The following MAD1L1 variants were observed in gnomAD, a reference collection of about 807,000 sequenced individuals.
MAD1L1 encodes the protein mitotic spindle assembly checkpoint protein MAD1.
MAD1L1 carries 95 observed loss-of-function variants against 96.9 expected under a neutral mutation model. The observed-to-expected ratio is 0.98, with a 90% CI of 0.83 to 1.16. MAD1L1 has a LOEUF of 1.16. Ranked by LOEUF, MAD1L1 falls within the 50% of genes most tolerant of loss-of-function variation. The pLI, the probability that MAD1L1 is intolerant of heterozygous loss-of-function variation, is 0.00. For missense variants in MAD1L1, 1,007 were observed against 954.4 expected (o/e 1.06, Z -0.73); for synonymous variants, 473 against 396.6 (o/e 1.19, Z -2.29).
chr7:1,916,485 C>T (rs986865479), intron 17 of MAD1L1, among the ~76,000 whole-genome samples: 16 of 151,968 alleles, frequency 1.1e-4, no homozygotes, highest in Non-Finnish European at 2.1e-4. Context: ...GCACGCTGGG[C>T]GGTATAGAGA....
intron 17 of MAD1L1, among the ~76,000 whole-genome samples, 174 bp from the exon 18 acceptor site, chr7:1,898,564 G>A (rs1163972279): frequency 6.6e-6 from 1 of 152,166 alleles, no homozygotes; most frequent in African/African-American, 2.4e-5. Context: ...ATGAGGGAAC[G>A]GGAGTGAGGG....
At chr7:1,883,997 G>A (rs534826576) in intron 18 of MAD1L1, among the ~76,000 whole-genome samples, 1 of 152,322 alleles carries the variant, frequency 6.6e-6, no homozygotes, top group African/African-American at 2.4e-5. Flanking sequence ...GCGCTGCACA[G>A]TGCAGAGCCA....
chr7:2,159,260 G>A (rs1200858883), intron 10 of MAD1L1, among the ~76,000 whole-genome samples: 2 of 152,226 alleles, frequency 1.3e-5, no homozygotes, highest in Non-Finnish European at 2.9e-5. Flanking sequence ...CAGGACAGGG[G>A]TGCAGGAGGC....
chr7:1,990,305 T>C (rs56727870), intron 14 of MAD1L1, among the ~76,000 whole-genome samples: 49,350 of 152,028 alleles, frequency 0.32, 8,908 homozygotes, highest in East Asian at 0.57. Flanking sequence ...GGTGCTGAGG[T>C]CACAGCTGGG....
At chr7:2,108,432 A>C (rs1192509312) in intron 11 of MAD1L1, among the ~76,000 whole-genome samples, 1 of 152,252 alleles carries the variant, frequency 6.6e-6, no homozygotes, top group African/African-American at 2.4e-5. Flanking sequence ...ACTTTATTTA[A>C]AATAAAAAGT....
At chr7:2,010,779 C>T (rs962698973) in intron 13 of MAD1L1, among the ~76,000 whole-genome samples, 6 of 152,184 alleles carry the variant, frequency 3.9e-5, no homozygotes, top group Admixed American at 2.6e-4. Context: ...GCCCACCTGG[C>T]GGTCAGGTAG....
intron 11 of MAD1L1, among the ~76,000 whole-genome samples, chr7:2,086,623 C>T (rs904979817): frequency 2.6e-5 from 4 of 152,236 alleles, no homozygotes; most frequent in Admixed American, 1.3e-4. Flanking sequence ...GGCACGCTCT[C>T]GGCTCACTGC....
intron 12 of MAD1L1, among the ~76,000 whole-genome samples, chr7:2,048,663 CT>C (rs562751949): frequency 1.3e-5 from 2 of 152,356 alleles, no homozygotes; most frequent in African/African-American, 4.8e-5. Context: ...AAAAGTCCCC[CT>C]CCGCCCCTCT....
intron 18 of MAD1L1, among the ~76,000 whole-genome samples, chr7:1,869,196 C>T (rs968727802): frequency 3.3e-5 from 5 of 152,094 alleles, no homozygotes; most frequent in Non-Finnish European, 7.4e-5. Context: ...AAGGCACACA[C>T]GCTGCTGTGG....
intron 11 of MAD1L1, among the ~76,000 whole-genome samples, chr7:2,129,616 G>T (rs1270785209): frequency 4.6e-5 from 7 of 152,248 alleles, no homozygotes; most frequent in Admixed American, 4.6e-4. Context: ...TCCCTCTGGA[G>T]GCTGCCTGTC....
intron 17 of MAD1L1, among the ~76,000 whole-genome samples, chr7:1,926,837 T>C (rs1789118096): frequency 6.6e-6 from 1 of 152,172 alleles, no homozygotes; most frequent in Admixed American, 6.5e-5. Context: ...AGGATCTCTG[T>C]TGCCCCATCT....
chr7:1,963,974 G>A (rs895000963), intron 15 of MAD1L1, among the ~76,000 whole-genome samples: 1 of 152,204 alleles, frequency 6.6e-6, no homozygotes, highest in Non-Finnish European at 1.5e-5. Context: ...CAAGTGCTGT[G>A]GCTTTACAAA....
chr7:1,868,250 A>G (rs1784873670), intron 18 of MAD1L1, among the ~76,000 whole-genome samples: 1 of 152,208 alleles, frequency 6.6e-6, no homozygotes, highest in Non-Finnish European at 1.5e-5. Context: ...ACCTGCTGAT[A>G]ACCGAAATCA....
At chr7:1,876,773 C>G (rs1785406521) in intron 18 of MAD1L1, among the ~76,000 whole-genome samples, 1 of 150,488 alleles carries the variant, frequency 6.6e-6, no homozygotes, top group Non-Finnish European at 1.5e-5. Context: ...CTCCTACCCC[C>G]AGAAGGTGAT....
intron 12 of MAD1L1, among the ~76,000 whole-genome samples, chr7:2,062,922 A>G (rs891224992): frequency 2.6e-5 from 4 of 152,232 alleles, no homozygotes; most frequent in Admixed American, 2.0e-4. Flanking sequence ...GGTCAAAAGG[A>G]TAACGCTAAG....
chr7:1,900,836 A>G (rs1787197209), intron 17 of MAD1L1, among the ~76,000 whole-genome samples: 1 of 152,216 alleles, frequency 6.6e-6, no homozygotes, highest in Admixed American at 6.5e-5. Flanking sequence ...TGCCGCTCAC[A>G]GACCTCTGGA....
intron 11 of MAD1L1, among the ~76,000 whole-genome samples, chr7:2,097,966 C>T (rs1786579138): frequency 6.6e-6 from 1 of 152,356 alleles, no homozygotes; most frequent in South Asian, 2.1e-4. Flanking sequence ...GGAGGGCACG[C>T]TCAGCAGCGC....
At chr7:1,874,633 G>C (rs1785282956) in intron 18 of MAD1L1, 1 of 430,956 alleles carries the variant, frequency 2.3e-6, no homozygotes, top group East Asian at 7.1e-5. Context: ...TCGCCTGGTG[G>C]GCTTAGGAAT....
At chr7:1,920,008 CG>C in intron 17 of MAD1L1, among the ~76,000 whole-genome samples, 1 of 5,424 alleles carries the variant, frequency 1.8e-4, no homozygotes, top group South Asian at 2.7e-3. Flanking sequence ...TCCAGTGACA[CG>C]GAGGTCCCCA....
Sources: gnomAD v4.1 joint callset for allele counts (sites outside exome capture counted in the v4.1 genomes callset) on GRCh38, gnomAD v4.1.1 for gene constraint, MANE v1.5 for transcripts, NCBI Gene and HGNC (gene_info 2026-07-23, HGNC 2026-07-21) for gene names.